The following CUL2 variants were observed in gnomAD, a reference collection of about 807,000 sequenced individuals.
CUL2 encodes the protein cullin 2, also known as cullin-2.
Under a neutral mutation model 110.2 loss-of-function variants are expected in CUL2, and 22 were observed. The observed-to-expected ratio is 0.20, with a 90% CI of 0.14 to 0.28. The LOEUF is 0.28. Among genes scored for constraint, CUL2 ranks in the 10% least tolerant of loss-of-function variants. CUL2 has a pLI of 1.00. For synonymous variants in CUL2, 279 were observed against 293.2 expected, an observed-to-expected ratio of 0.95 and a Z score of 0.49; for missense variants, 631 against 905.5, an observed-to-expected ratio of 0.70 and a Z score of 3.89.
intron 1 of CUL2, among the ~76,000 whole-genome samples, chr10:35,073,145 A>G (rs1766700255): frequency 1.3e-5 from 2 of 152,222 alleles, no homozygotes; most frequent in Admixed American, 1.3e-4. Context: ...AAAAGAGGGT[A>G]TGCCTTGTTG....
At chr10:35,015,374 T>C (rs1371504698) in intron 18 of CUL2, among the ~76,000 whole-genome samples, 1 of 152,150 alleles carries the variant, frequency 6.6e-6, no homozygotes, top group African/African-American at 2.4e-5. Flanking sequence ...AAAACATTGA[T>C]TTGAATTTCA....
At chr10:35,062,670 CAAAAAA>C (rs77853239) in intron 3 of CUL2, among the ~76,000 whole-genome samples, 2 of 123,146 alleles carry the variant, frequency 1.6e-5, no homozygotes, top group East Asian at 4.5e-4. Flanking sequence ...CCATCTCTAC[CAAAAAA>C]AAAAAAAAAA....
intron 6 of CUL2, among the ~76,000 whole-genome samples, chr10:35,048,915 T>C (rs924627099): frequency 1.3e-5 from 2 of 152,036 alleles, no homozygotes; most frequent in Admixed American, 6.6e-5. Context: ...GTATTCCTCA[T>C]ATAAAAAAAA....
At chr10:35,035,342 T>G (rs572299046) in intron 9 of CUL2, 46 bp from the exon 10 acceptor site, 1 of 1,602,304 alleles carries the variant, frequency 6.2e-7, no homozygotes, top group South Asian at 1.1e-5. Flanking sequence ...AATATTTTCA[T>G]TTATTAGGTA....
chr10:35,114,589 GC>G (rs1321260675), intron 1 of CUL2, among the ~76,000 whole-genome samples: 2 of 150,910 alleles, frequency 1.3e-5, no homozygotes, highest in African/African-American at 4.9e-5. Context: ...CGCTATGTTG[GC>G]CAGGCTGGTC....
At chr10:35,017,875 T>TA (rs1440590339) in intron 17 of CUL2, among the ~76,000 whole-genome samples, 102 of 96,740 alleles carry the variant, frequency 1.1e-3, no homozygotes, top group South Asian at 2.5e-3. Context: ...CATACGTGTT[T>TA]AAAAAAAAAA....
At chr10:35,119,600 A>C (rs1458111460) in intron 1 of CUL2, among the ~76,000 whole-genome samples, 1 of 150,732 alleles carries the variant, frequency 6.6e-6, no homozygotes, top group Non-Finnish European at 1.5e-5. Flanking sequence ...TTATTTATTT[A>C]TTTATTTATA....
chr10:35,114,725 T>G, intron 1 of CUL2, among the ~76,000 whole-genome samples: 1 of 152,074 alleles, frequency 6.6e-6, no homozygotes, highest in East Asian at 1.9e-4. Context: ...ATACACTATA[T>G]GTTCACAAAA....
intron 17 of CUL2, 130 bp downstream of exon 17, chr10:35,025,002 C>T: frequency 7.9e-7 from 1 of 1,261,390 alleles, no homozygotes; most frequent in Non-Finnish European, 1.0e-6. Context: ...TTGTTAGTTG[C>T]TTTAATGGGG....
At chr10:35,106,381 G>C (rs951668828) in intron 1 of CUL2, among the ~76,000 whole-genome samples, 3 of 151,536 alleles carry the variant, frequency 2.0e-5, no homozygotes, top group Non-Finnish European at 2.9e-5. Flanking sequence ...GTGCAGTGGC[G>C]CGATCTCCGG....
At chr10:35,051,404 G>A (rs949518940) in intron 5 of CUL2, among the ~76,000 whole-genome samples, 6 of 151,700 alleles carry the variant, frequency 4.0e-5, no homozygotes, top group Non-Finnish European at 7.4e-5. Flanking sequence ...ACAAGGTCAG[G>A]AGATGGAGAC....
At chr10:35,038,300 C>T (rs577467677) in intron 9 of CUL2, among the ~76,000 whole-genome samples, 13 of 151,226 alleles carry the variant, frequency 8.6e-5, no homozygotes, top group Middle Eastern at 3.5e-3. Context: ...CTGAGGCGGG[C>T]GGACCACAAG....
chr10:35,033,396 T>G, intron 10 of CUL2, 123 bp from the exon 11 acceptor site: 1 of 645,612 alleles, frequency 1.5e-6, no homozygotes, highest in Non-Finnish European at 2.7e-6. Flanking sequence ...ACATGCACAC[T>G]TCTCAGAAAA....
At position 35,038,931 on chromosome 10, in the gene CUL2, T is replaced by C; in HGVS notation, c.866A>G (p.Glu289Gly). 6.3e-7 allele frequency: 1 copy of C among 1,586,218 alleles called. No individual in the cohort carries two copies. Among genetic ancestry groups the C allele is most frequent in the Non-Finnish European group, 8.6e-7 (1 of 1,167,068 alleles). The change falls in exon 9 of 21, where the codon GAG (glutamate) becomes GGG (glycine). Residue 289 changes from glutamate (E) to glycine (G), a missense_variant. Physicochemically the swap from Glu to Gly is moderately conservative, Grantham distance 98. Coordinates refer to ENST00000374749, the MANE Select transcript of CUL2 (RefSeq NM_003591.4). Reference protein sequence around the residue: ...HAECHNIIRQEKKNDMANMYV... With the variant: ...HAECHNIIRQGKKNDMANMYV... Reference sequence around the variant, plus strand: ...TTGGTGTCACTTACCATTTTTTTTCTCTTGTCGAATTATATTATGACATTC... The same window carrying C: ...TTGGTGTCACTTACCATTTTTTTTCCCTTGTCGAATTATATTATGACATTC...
At chr10:35,080,445 A>ATTTATTTT (rs2086918353) in intron 1 of CUL2, among the ~76,000 whole-genome samples, 1 of 136,862 alleles carries the variant, frequency 7.3e-6, no homozygotes, top group South Asian at 2.1e-4. Flanking sequence ...TTATTTATTT[A>ATTTATTTT]TTTATTTATT....
chr10:35,089,376 G>C (rs771592170), intron 1 of CUL2, among the ~76,000 whole-genome samples: 2 of 152,204 alleles, frequency 1.3e-5, no homozygotes, highest in Non-Finnish European at 2.9e-5. Flanking sequence ...TTGTCAATCA[G>C]ATCAAAGTGA....
At chr10:35,022,024 A>G (rs1246410542) in intron 17 of CUL2, among the ~76,000 whole-genome samples, 1 of 152,148 alleles carries the variant, frequency 6.6e-6, no homozygotes, top group Admixed American at 6.5e-5. Flanking sequence ...ATTCTGTGAT[A>G]TGCCCTGGGC....
chr10:35,051,751 G>A (rs1270686000), intron 5 of CUL2, among the ~76,000 whole-genome samples: 2 of 152,080 alleles, frequency 1.3e-5, no homozygotes, highest in African/African-American at 2.4e-5. Context: ...AATTTTGCCC[G>A]TTAGTCTGTT....
At chr10:35,032,198 T>G (rs976111127) in intron 12 of CUL2, among the ~76,000 whole-genome samples, 1 of 152,206 alleles carries the variant, frequency 6.6e-6, no homozygotes, top group Non-Finnish European at 1.5e-5. Flanking sequence ...TGAAAAGTAT[T>G]GCAAATTATT....
Sources: allele counts gnomAD v4.1 joint callset (sites outside exome capture counted in the v4.1 genomes callset), GRCh38; gene constraint gnomAD v4.1.1; transcripts MANE v1.5; gene names NCBI Gene and HGNC (gene_info 2026-07-23, HGNC 2026-07-21).